ATRNL1: variants seen among roughly 807,000 people sequenced by gnomAD.
ATRNL1 encodes the protein attractin-like protein 1.
A neutral mutation model predicts 182.7 loss-of-function variants in ATRNL1; 95 were observed. The observed-to-expected ratio is 0.52, with a 90% CI of 0.44 to 0.62. ATRNL1 has a LOEUF of 0.62. ATRNL1 is among the 20% of genes least tolerant of loss of function. The pLI, the probability that ATRNL1 is intolerant of heterozygous loss-of-function variation, is 0.00. For missense variants in ATRNL1, 1,471 were observed against 1,679.5 expected, an observed-to-expected ratio of 0.88 and a Z score of 2.17; for synonymous variants, 576 against 568.3, an observed-to-expected ratio of 1.01 and a Z score of -0.19.
intron 27 of ATRNL1, among the ~76,000 whole-genome samples, chr10:115,843,154 A>G (rs1160155647): frequency 1.3e-5 from 2 of 152,112 alleles, no homozygotes; most frequent in Non-Finnish European, 2.9e-5. Flanking sequence ...TATAGGTAAG[A>G]CAAGAATCTA....
rs1554929442 is a variant in ATRNL1 at position 115,315,728 on chromosome 10, A to G, written c.3029A>G (p.Gln1010Arg). The G allele has an allele frequency of 6.2e-7, 1 of 1,611,476 alleles. No homozygotes were observed. Among genetic ancestry groups the G allele is most frequent in the East Asian group, 2.2e-5 (1 of 44,866 alleles). Residue 1010 changes from glutamine (Q) to arginine (R), a missense_variant, in exon 18 of 29, where the codon CAG (glutamine) becomes CGG (arginine). Gln to Arg is a conservative substitution (Grantham distance 43, BLOSUM62 1). Around this residue, in one of 3 missense-constraint regions of ATRNL1, gnomAD observed 437 missense variants for 506.0 expected, o/e 0.86. Coordinates refer to ENST00000355044, the MANE Select transcript of ATRNL1 (RefSeq NM_207303.4). ...AAGAACTATGAGTGGTCCTTTATCC[A>G]GTGTCCAGGTAATAATAATGTAATG... ...KEKNYEWSFI[Q>R]CPACQCNGHS... is the part of the protein sequence containing the mutation.
In ATRNL1 at chr10:115,547,283, A is replaced by AAT. The variant is rs1852722531; in HGVS notation, c.3717-2168_3717-2167dup. On this transcript the variant is annotated intron_variant, in intron 25 of 28. Transcript: ENST00000355044. ...AAAAAAATATATATATATATATATA[A>AAT]ATATATATTTTCAAAATTTGAATTA... is the stretch of plus-strand genomic sequence containing the variant. Among the ~76,000 whole-genome samples the AAT allele has an allele frequency of 3.4e-5, 5 of 145,896 alleles. No individual in the cohort carries two copies. The South Asian group carries it at 8.5e-4, about 25-fold the overall frequency.
chr10:115,643,675 T>C (rs1476987418), intron 26 of ATRNL1, among the ~76,000 whole-genome samples: 2 of 152,124 alleles, frequency 1.3e-5, no homozygotes, highest in African/African-American at 4.8e-5. Context: ...GGATGACCAA[T>C]AAGAATATGA....
intron 19 of ATRNL1, among the ~76,000 whole-genome samples, chr10:115,366,189 A>C (rs1857026701): frequency 6.6e-6 from 1 of 152,110 alleles, no homozygotes; most frequent in African/African-American, 2.4e-5. Flanking sequence ...TTGCTTTATG[A>C]ATCTAGGTGC....
At chr10:115,931,263 A>T in intron 28 of ATRNL1, among the ~76,000 whole-genome samples, 1 of 152,310 alleles carries the variant, frequency 6.6e-6, no homozygotes, top group South Asian at 2.1e-4. Flanking sequence ...AGGATTTCGG[A>T]TTAAGAGACT....
chr10:115,370,146 G>T (rs1857315338), intron 19 of ATRNL1, among the ~76,000 whole-genome samples: 1 of 152,194 alleles, frequency 6.6e-6, no homozygotes, highest in Non-Finnish European at 1.5e-5. Context: ...TGCCATGATT[G>T]TGAGGCCTCC....
At chr10:115,208,048 C>T (rs1391503458) in intron 8 of ATRNL1, among the ~76,000 whole-genome samples, 2 of 151,912 alleles carry the variant, frequency 1.3e-5, no homozygotes, top group Admixed American at 6.6e-5. Context: ...TCATTTTGGA[C>T]AGTTTATATT....
chr10:115,194,337 T>C (rs1292391374), intron 8 of ATRNL1, among the ~76,000 whole-genome samples: 1 of 152,064 alleles, frequency 6.6e-6, no homozygotes, highest in African/African-American at 2.4e-5. Flanking sequence ...TCTCTCTTTT[T>C]AGATCTAATA....
At chr10:115,562,233 T>C (rs1384384462) in intron 26 of ATRNL1, among the ~76,000 whole-genome samples, 1 of 152,150 alleles carries the variant, frequency 6.6e-6, no homozygotes, top group African/African-American at 2.4e-5. Context: ...CAAAGAAAGA[T>C]CCTTGAAAAC....
chr10:115,597,765 C>A (rs935473175), intron 26 of ATRNL1: 23 of 407,456 alleles, frequency 5.6e-5, no homozygotes, highest in Non-Finnish European at 4.4e-5. Context: ...CCAGACTGGA[C>A]CTCAGGCGAT....
At chr10:115,555,029 GTA>G (rs1554996684) in intron 26 of ATRNL1, among the ~76,000 whole-genome samples, 1 of 151,654 alleles carries the variant, frequency 6.6e-6, no homozygotes, top group Non-Finnish European at 1.5e-5. Flanking sequence ...GTTTATGTGT[GTA>G]TATGTGTTTT....
chr10:115,375,305 T>A (rs1441709155), intron 19 of ATRNL1, among the ~76,000 whole-genome samples: 1 of 151,918 alleles, frequency 6.6e-6, no homozygotes, highest in African/African-American at 2.4e-5. Context: ...TCTCATTTGG[T>A]TATTCTTTGC....
chr10:115,503,822 C>A (rs1554980601), intron 24 of ATRNL1, among the ~76,000 whole-genome samples: 1 of 151,560 alleles, frequency 6.6e-6, no homozygotes, highest in Non-Finnish European at 1.5e-5. Flanking sequence ...AGGACTAAAT[C>A]TACCCTACAA....
chr10:115,756,357 C>T (rs1034735175), intron 27 of ATRNL1, among the ~76,000 whole-genome samples: 1 of 152,062 alleles, frequency 6.6e-6, no homozygotes, highest in African/African-American at 2.4e-5. Context: ...GATTCTGGTA[C>T]GTTGTGTCTT....
At chr10:115,611,183 A>T (rs1356264421) in intron 26 of ATRNL1, among the ~76,000 whole-genome samples, 12 of 152,202 alleles carry the variant, frequency 7.9e-5, no homozygotes, top group Admixed American at 2.0e-4. Context: ...GTTGTTAAAC[A>T]AGCAGAATAA....
intron 24 of ATRNL1, among the ~76,000 whole-genome samples, chr10:115,486,496 G>A (rs112414505): frequency 1.2e-4 from 19 of 152,070 alleles, no homozygotes; most frequent in East Asian, 5.8e-4. Context: ...TCTAATCACC[G>A]GTGATGATGA....
chr10:115,125,496 ATT>A (rs879992221), intron 3 of ATRNL1, among the ~76,000 whole-genome samples: 20 of 141,614 alleles, frequency 1.4e-4, no homozygotes, highest in Admixed American at 2.1e-4. Context: ...GAGAAGTGTT[ATT>A]TTTTTTTTTT....
chr10:115,400,342 G>A (rs1330643812), intron 20 of ATRNL1, among the ~76,000 whole-genome samples: 1 of 152,082 alleles, frequency 6.6e-6, no homozygotes, highest in Non-Finnish European at 1.5e-5. Flanking sequence ...TGCATTTCTT[G>A]AAAAGTGTTT....
intron 5 of ATRNL1, among the ~76,000 whole-genome samples, chr10:115,152,085 G>T (rs1191951643): frequency 6.6e-6 from 1 of 152,076 alleles, no homozygotes; most frequent in African/African-American, 2.4e-5. Context: ...CTCTGTTTTG[G>T]TACCTGTACC....
Sources: allele counts gnomAD v4.1 joint callset (sites outside exome capture counted in the v4.1 genomes callset), GRCh38; gene constraint gnomAD v4.1.1; regional missense constraint gnomAD v4.1.1; transcripts MANE v1.5; gene names NCBI Gene and HGNC (gene_info 2026-07-23, HGNC 2026-07-21).